The following AGO2 variants were observed in gnomAD, a reference collection of about 807,000 sequenced individuals.
AGO2 encodes the protein argonaute RISC catalytic component 2, also known as protein argonaute-2.
Under a neutral mutation model 102.3 loss-of-function variants are expected in AGO2, and 5 were observed. The observed-to-expected ratio is 0.05, with a 90% confidence interval of 0.03 to 0.10. The LOEUF is 0.10. Ranked by LOEUF, AGO2 falls within the 10% of genes least tolerant of loss-of-function variation. The probability of loss-of-function intolerance (pLI) is 1.00; values close to 1 mark genes in which losing one functional copy is unlikely to be tolerated. For synonymous variants in AGO2, 449 were observed against 473.1 expected (o/e 0.95, Z 0.66); for missense variants, 541 against 1,183.7 (o/e 0.46, Z 7.97).
At chr8:140,613,060 T>C (rs1226125923) in intron 1 of AGO2, among the ~76,000 whole-genome samples, 2 of 151,790 alleles carry the variant, frequency 1.3e-5, no homozygotes, top group South Asian at 4.2e-4. Context: ...ATTAGCCAGG[T>C]GTGGTGGCAG....
intron 3 of AGO2, among the ~76,000 whole-genome samples, chr8:140,570,616 A>G (rs1382559331): frequency 6.6e-6 from 1 of 152,084 alleles, no homozygotes; most frequent in Non-Finnish European, 1.5e-5. Flanking sequence ...TGGGAGATGC[A>G]CCACCCAGGA....
chr8:140,550,663 G>A (rs1049373548), intron 11 of AGO2, among the ~76,000 whole-genome samples: 3 of 152,026 alleles, frequency 2.0e-5, no homozygotes, highest in Non-Finnish European at 2.9e-5. Context: ...TTCACCCAGG[G>A]TGGAGTGCAA....
intron 1 of AGO2, among the ~76,000 whole-genome samples, chr8:140,595,649 T>C (rs2073816471): frequency 7.4e-6 from 1 of 135,326 alleles, no homozygotes; most frequent in African/African-American, 2.7e-5. Flanking sequence ...ATTATTTATA[T>C]GCCAGGCTAT....
At chr8:140,552,738 GCGCACACACACA>G (rs1277599283) in intron 10 of AGO2, among the ~76,000 whole-genome samples, 64 of 97,414 alleles carry the variant, frequency 6.6e-4, no homozygotes, top group Middle Eastern at 4.6e-3. Flanking sequence ...ACGCGCGCGC[GCGCACACACACA>G]CACACACACA....
Position 140,521,245 on chromosome 8 carries a change from A to G in AGO2, c.*10799T>C, listed in dbSNP as rs1251748265. The G allele has an allele frequency of 6.6e-6, 1 of 152,226 alleles. No individual in the cohort carries two copies. The highest frequency in any genetic ancestry group is 1.5e-5 in the Non-Finnish European group (1 of 68,042). The allele number at this position is 152,226 out of a possible 1,614,324, so 9.4% of individuals were successfully genotyped here. On this transcript the variant is annotated 3_prime_UTR_variant, in exon 19 of 19. Transcript: ENST00000220592. ...GAATGCTGATCATCTTATGCAGCAT[A>G]CTAAAGGATGATTTACTCTTTACAA...
chr8:140,592,203 T>C (rs1226862164), intron 1 of AGO2: 1 of 152,018 alleles, frequency 6.6e-6, no homozygotes, highest in Non-Finnish European at 1.5e-5. Flanking sequence ...TACAGAAACA[T>C]TCCCCAATCG....
chr8:140,583,937 TA>T (rs35517941), intron 2 of AGO2, among the ~76,000 whole-genome samples: 2,183 of 152,272 alleles, frequency 0.014, 30 homozygotes, highest in Middle Eastern at 0.041. Context: ...TTACGTGGGC[TA>T]TGATTTCAGC....
chr8:140,623,759 C>A (rs1439381104), intron 1 of AGO2, among the ~76,000 whole-genome samples: 2 of 152,148 alleles, frequency 1.3e-5, no homozygotes, highest in African/African-American at 4.8e-5. Flanking sequence ...CCATCCCAAA[C>A]ACAGCCCTGG....
At position 140,522,713 on chromosome 8, in the gene AGO2, AGGGGG is replaced by A. The variant is rs1274769538; in HGVS notation, c.*9326_*9330del. ...GACAGAGACAGAGAGAGGGAGGGGG[AGGGGG>A]GAGAGGGGGAGAGAGAGAGAGAGAG... On this transcript the variant is annotated 3_prime_UTR_variant, in exon 19 of 19. Transcript: ENST00000220592. 6.6e-5 allele frequency: 3 copies of A among 45,148 alleles called. No individual in the cohort carries two copies. Among genetic ancestry groups the A allele is most frequent in the African/African-American group, 2.6e-4 (3 of 11,606 alleles). The allele number at this position is 45,148 out of a possible 1,614,324, so 2.8% of individuals were successfully genotyped here. A position where few individuals can be genotyped will look rare whatever the true frequency, so the allele number is the denominator to read the frequency against.
At chr8:140,544,143 T>C (rs1185345542) in intron 14 of AGO2, 70 bp downstream of exon 14, 45 of 1,468,012 alleles carry the variant, frequency 3.1e-5, no homozygotes, top group Non-Finnish European at 3.8e-5. Context: ...GGCCACGCTG[T>C]GACAGTGGGA....
rs754943983 is a variant in AGO2 at position 140,558,529 on chromosome 8, C to T, written c.834G>A (p.Lys278=). The T allele has an allele frequency of 3.7e-6, 6 of 1,614,240 alleles. No homozygotes were observed. Among genetic ancestry groups the T allele is most frequent in the Non-Finnish European group, 5.1e-6 (6 of 1,180,048 alleles). Residue 278 remains lysine (K), a synonymous_variant, in exon 7 of 19, where the codon AAG becomes AAA. Transcript: ENST00000220592. ...EITHCGQMKR[K]YRVCNVTRRP... ...GCCGGGTCACATTGCAGACGCGGTA[C>T]TTCCTCTTCATCTGCCCACAGTGCG...
intron 3 of AGO2, 118 bp downstream of exon 3, chr8:140,572,694 C>T: frequency 1.4e-6 from 2 of 1,403,288 alleles, no homozygotes; most frequent in Non-Finnish European, 1.9e-6. Context: ...CAGTGAACTG[C>T]TCTCTCCTCC....
At chr8:140,573,058 G>A in intron 2 of AGO2, 126 bp from the exon 3 acceptor site, 3 of 1,152,764 alleles carry the variant, frequency 2.6e-6, no homozygotes, top group Non-Finnish European at 2.4e-6. Context: ...GGCCCAGGCT[G>A]GAGTGCAATG....
chr8:140,635,519 G>T lies in AGO2; in HGVS notation c.-13C>A. 1.0e-6 allele frequency: 1 copy of T among 979,418 alleles called. No individual in the cohort carries two copies. Among genetic ancestry groups the T allele is most frequent in the Non-Finnish European group, 1.2e-6 (1 of 827,084 alleles). 60.7% of individuals were successfully genotyped at this position (979,418 alleles called of 1,614,324 possible). A position where few individuals can be genotyped will look rare whatever the true frequency, so the allele number is the denominator to read the frequency against. On this transcript the variant is annotated 5_prime_UTR_variant, in exon 1 of 19. Transcript: ENST00000220592. The stretch of plus-strand genomic sequence containing the variant: ...CTCCCGAGTACATGGTGGCGCCGCC[G>T]AGGGGCTCCGGGGCCGAGGGGCGGC...
intron 2 of AGO2, among the ~76,000 whole-genome samples, chr8:140,579,096 G>A (rs2073511250): frequency 6.6e-6 from 1 of 152,000 alleles, no homozygotes; most frequent in Non-Finnish European, 1.5e-5. Context: ...GGTGGTGCGC[G>A]CCTGTGGTCC....
chr8:140,642,248 T>TG, the AGO2 span, among the ~76,000 whole-genome samples: 1 of 152,134 alleles, frequency 6.6e-6, no homozygotes, highest in African/African-American at 2.4e-5. Context: ...GTGCTTTGTG[T>TG]TTGTGTTCCG....
At chr8:140,618,446 G>C (rs2074171254) in intron 1 of AGO2, among the ~76,000 whole-genome samples, 1 of 151,466 alleles carries the variant, frequency 6.6e-6, no homozygotes, top group Non-Finnish European at 1.5e-5. Flanking sequence ...CTGTGACTGT[G>C]CCACTGCACT....
At chr8:140,616,562 T>C (rs1025524479) in intron 1 of AGO2, among the ~76,000 whole-genome samples, 4 of 152,374 alleles carry the variant, frequency 2.6e-5, no homozygotes, top group East Asian at 1.9e-4. Flanking sequence ...ATTCTGATGG[T>C]TATGATACAT....
intron 1 of AGO2, among the ~76,000 whole-genome samples, chr8:140,610,113 G>A (rs1467144799): frequency 6.6e-6 from 1 of 151,796 alleles, no homozygotes; most frequent in African/African-American, 2.4e-5. Flanking sequence ...GCTGAGGCAG[G>A]AGGATTGCTT....
Sources: allele counts gnomAD v4.1 joint callset (sites outside exome capture counted in the v4.1 genomes callset), GRCh38; gene constraint gnomAD v4.1.1; transcripts MANE v1.5; gene names NCBI Gene and HGNC (gene_info 2026-07-23, HGNC 2026-07-21).